GAS2L3: variants seen among roughly 807,000 people sequenced by gnomAD.
GAS2L3 encodes growth arrest specific 2 like 3, also known as GAS2-like protein 3.
GAS2L3 carries 28 observed loss-of-function variants against 37.0 expected under a neutral mutation model. That is an observed-to-expected ratio of 0.76 (90% CI 0.56 to 1.04). The LOEUF is 1.04. GAS2L3 is among the 50% of genes least tolerant of loss of function. GAS2L3 has a pLI of 0.00. For synonymous variants in GAS2L3, 290 were observed against 296.6 expected (o/e 0.98, Z 0.23); for missense variants, 793 against 817.6 (o/e 0.97, Z 0.37).
intron 6 of GAS2L3, among the ~76,000 whole-genome samples, chr12:100,614,387 T>C (rs1956162027): frequency 6.6e-6 from 1 of 151,830 alleles, no homozygotes; most frequent in Admixed American, 6.6e-5. Context: ...TACTTGAACC[T>C]GGGAGGCAGA....
Position 100,607,606 on chromosome 12 carries a change from G to A in GAS2L3, c.304-4394G>A, listed in dbSNP as rs149220997. 1.4e-3 allele frequency among the ~76,000 whole-genome samples: 207 copies of A among 151,758 alleles called. 1 individual carries two copies. Among genetic ancestry groups the A allele is most frequent in the Non-Finnish European group, 2.4e-3 (165 of 67,928 alleles). Reference sequence around the variant, plus strand: ...TTTCTAGATCCTTTAGGTGTGCTTCGTTGTTTTTTATCTTTTCTTTTCTCT... The same window carrying A: ...TTTCTAGATCCTTTAGGTGTGCTTCATTGTTTTTTATCTTTTCTTTTCTCT... On this transcript the variant is annotated intron_variant, in intron 5 of 9. Coordinates refer to ENST00000547754, the MANE Select transcript of GAS2L3 (RefSeq NM_174942.3).
chr12:100,588,497 A>G (rs1050280642), intron 1 of GAS2L3, among the ~76,000 whole-genome samples: 4 of 152,214 alleles, frequency 2.6e-5, no homozygotes, highest in Non-Finnish European at 5.9e-5. Flanking sequence ...TTCTGAGGGA[A>G]CAGAACAAAG....
In GAS2L3 at chr12:100,622,378, T is replaced by TA; in HGVS notation, c.754dup (p.Arg252LysfsTer25). 21 of 1,396,786 alleles carry TA rather than the reference T, an allele frequency of 1.5e-5. No individual in the cohort carries two copies. Among genetic ancestry groups the TA allele is most frequent in the Non-Finnish European group, 1.9e-5 (19 of 986,908 alleles). The allele number at this position is 1,396,786 out of a possible 1,614,324, so 86.5% of individuals were successfully genotyped here. ...CGACTAGGGGATAAAATACTCTTTA[T>TA]AAGAGTAAGTCCATTATTTACACTT... On this transcript the variant is annotated frameshift_variant, in exon 9 of 10. Transcript: ENST00000547754. LOFTEE classifies it low-confidence loss of function (END_TRUNC).
chr12:100,609,875 C>A (rs1168973259), intron 5 of GAS2L3, among the ~76,000 whole-genome samples: 1 of 152,206 alleles, frequency 6.6e-6, no homozygotes, highest in African/African-American at 2.4e-5. Flanking sequence ...TGCTCTCCCC[C>A]TCCCAAATAC....
chr12:100,594,819 G>T, intron 2 of GAS2L3, 56 bp from the exon 3 acceptor site: 1 of 548,098 alleles, frequency 1.8e-6, no homozygotes, highest in Non-Finnish European at 3.1e-6. Context: ...GGGGGTTTGG[G>T]GGAGTAGCAA....
chr12:100,576,669 C>A (rs1955641251), intron 1 of GAS2L3, among the ~76,000 whole-genome samples: 2 of 152,052 alleles, frequency 1.3e-5, no homozygotes. Context: ...AGATACAGAC[C>A]ATAATTATAA....
chr12:100,619,278 C>T (rs1864297000), intron 8 of GAS2L3, among the ~76,000 whole-genome samples: 1 of 151,828 alleles, frequency 6.6e-6, no homozygotes, highest in Non-Finnish European at 1.5e-5. Flanking sequence ...GTCTTCTTAA[C>T]TTTATCTGTT....
chr12:100,580,206 C>A, intron 1 of GAS2L3: 1 of 662,388 alleles, frequency 1.5e-6, no homozygotes, highest in South Asian at 1.9e-5. Context: ...AGAAGAGAGC[C>A]TACATTGTAA....
chr12:100,619,197 GT>G (rs1439352667), intron 8 of GAS2L3, among the ~76,000 whole-genome samples: 198 of 145,678 alleles, frequency 1.4e-3, no homozygotes, highest in African/African-American at 3.8e-3. Flanking sequence ...AGATTGATGG[GT>G]TTTTTTTTTT....
chr12:100,583,662 C>T (rs556585882), intron 1 of GAS2L3, among the ~76,000 whole-genome samples: 27 of 152,102 alleles, frequency 1.8e-4, no homozygotes, highest in Middle Eastern at 3.4e-3. Context: ...TTAGTAGAGA[C>T]GGGGCTTCAC....
At chr12:100,602,756 A>G (rs1956008181) in intron 5 of GAS2L3, among the ~76,000 whole-genome samples, 1 of 151,794 alleles carries the variant, frequency 6.6e-6, no homozygotes, top group African/African-American at 2.4e-5. Context: ...CTAACTATAT[A>G]TTTTTTGCAC....
At chr12:100,598,928 T>C (rs1298138845) in intron 3 of GAS2L3, among the ~76,000 whole-genome samples, 1 of 152,208 alleles carries the variant, frequency 6.6e-6, no homozygotes, top group African/African-American at 2.4e-5. Flanking sequence ...CATTCTTTTA[T>C]TGTTGCTGCC....
chr12:100,622,875 C>T (rs1240172583), intron 9 of GAS2L3, among the ~76,000 whole-genome samples: 1 of 149,846 alleles, frequency 6.7e-6, no homozygotes, highest in East Asian at 2.0e-4. Flanking sequence ...GTATGTATAC[C>T]AGTATGCTGA....
intron 1 of GAS2L3, among the ~76,000 whole-genome samples, chr12:100,588,106 T>C (rs1378606445): frequency 6.6e-6 from 1 of 152,096 alleles, no homozygotes; most frequent in Non-Finnish European, 1.5e-5. Flanking sequence ...AGAGGAAGTC[T>C]AACTATTACT....
At position 100,626,479 on chromosome 12, in the gene GAS2L3, T is replaced by C. The variant is rs1024076112; in HGVS notation, c.*1589T>C. ...GACTTGGGCATTGAGAGAGATGATA[T>C]ATACATCTTTGGAAAGTGAAGTCAA... On this transcript the variant is annotated 3_prime_UTR_variant, in exon 10 of 10. Transcript: ENST00000547754. 2.6e-5 allele frequency: 4 copies of C among 152,216 alleles called. No individual in the cohort carries two copies. Among genetic ancestry groups the C allele is most frequent in the Non-Finnish European group, 4.4e-5 (3 of 68,034 alleles). The allele number at this position is 152,216 out of a possible 1,614,324, so 9.4% of individuals were successfully genotyped here.
chr12:100,626,994 C>G lies in GAS2L3; in HGVS notation c.*2104C>G, dbSNP rs1305055877. 1 of 150,826 alleles carries G rather than the reference C, an allele frequency of 6.6e-6. No individual in the cohort carries two copies. The highest frequency in any genetic ancestry group is 1.5e-5 in the Non-Finnish European group (1 of 67,938). 9.3% of individuals were successfully genotyped at this position (150,826 alleles called of 1,614,324 possible). Reference sequence around the variant, plus strand: ...ATCTCAGCTACTCAGGAGGCTGAGGCAGGAGGATCGCTTGAACCCGGGAGG... The same window carrying G: ...ATCTCAGCTACTCAGGAGGCTGAGGGAGGAGGATCGCTTGAACCCGGGAGG... On this transcript the variant is annotated 3_prime_UTR_variant, in exon 10 of 10. Coordinates refer to ENST00000547754, the MANE Select transcript of GAS2L3 (RefSeq NM_174942.3).
chr12:100,617,646 T>C, intron 6 of GAS2L3, 98 bp from the exon 7 acceptor site: 1 of 763,442 alleles, frequency 1.3e-6, no homozygotes, highest in Non-Finnish European at 2.3e-6. Flanking sequence ...ACCTGCTGTC[T>C]TCATTATTCT....
intron 6 of GAS2L3, among the ~76,000 whole-genome samples, chr12:100,612,858 A>G (rs1190208508): frequency 2.0e-5 from 3 of 152,116 alleles, no homozygotes; most frequent in Admixed American, 2.0e-4. Flanking sequence ...TATCACTGAC[A>G]TAGTTTAGGA....
chr12:100,605,065 GAT>G (rs1231893206), intron 5 of GAS2L3, among the ~76,000 whole-genome samples: 1 of 151,894 alleles, frequency 6.6e-6, no homozygotes, highest in Non-Finnish European at 1.5e-5. Context: ...TTCATTTTTT[GAT>G]ATGTCTTTGT....
Sources: allele counts gnomAD v4.1 joint callset (sites outside exome capture counted in the v4.1 genomes callset), GRCh38; gene constraint gnomAD v4.1.1; transcripts MANE v1.5; gene names NCBI Gene and HGNC (gene_info 2026-07-23, HGNC 2026-07-21).